C12orf54: variants seen among roughly 807,000 people sequenced by gnomAD.
C12orf54 encodes uncharacterized protein C12orf54.
Under a neutral mutation model 26.4 loss-of-function variants are expected in C12orf54, and 24 were observed. The ratio of observed to expected loss-of-function variants is 0.91; its 90% CI spans 0.66 to 1.28. The LOEUF (loss-of-function observed/expected upper bound fraction) is 1.28, where lower values mean the gene tolerates loss of function less well. C12orf54 is among the 50% of genes most tolerant of loss of function. The pLI, the probability that C12orf54 is intolerant of heterozygous loss-of-function variation, is 0.00. For synonymous variants in C12orf54, 54 were observed against 47.0 expected, an observed-to-expected ratio of 1.15 and a Z score of -0.61; for missense variants, 154 against 150.9, an observed-to-expected ratio of 1.02 and a Z score of -0.11.
the C12orf54 span, among the ~76,000 whole-genome samples, chr12:48,426,644 A>C: frequency 6.6e-6 from 1 of 152,172 alleles, no homozygotes; most frequent in Non-Finnish European, 1.5e-5. Context: ...TTTGATAAGA[A>C]TAGCATTGAA....
the C12orf54 span, among the ~76,000 whole-genome samples, chr12:48,465,557 T>G: frequency 6.6e-6 from 1 of 152,246 alleles, no homozygotes; most frequent in South Asian, 2.1e-4. Context: ...GCAATCTCAT[T>G]ACTGGGTATA....
chr12:48,477,169 G>T, the C12orf54 span, among the ~76,000 whole-genome samples: 2 of 152,140 alleles, frequency 1.3e-5, no homozygotes, highest in African/African-American at 4.8e-5. Flanking sequence ...TGAAATGAAG[G>T]CAGAAATAAA....
chr12:48,452,533 C>T, the C12orf54 span, among the ~76,000 whole-genome samples: 2 of 151,516 alleles, frequency 1.3e-5, no homozygotes, highest in Non-Finnish European at 3.0e-5. Context: ...AACACAACAA[C>T]GACAACAAAA....
upstream of C12orf54, among the ~76,000 whole-genome samples, chr12:48,479,403 C>T (rs1954175931): frequency 1.3e-5 from 2 of 151,956 alleles, no homozygotes; most frequent in South Asian, 4.2e-4. Flanking sequence ...AGGAGATATA[C>T]CTAATGCTAA....
chr12:48,424,785 C>T, the C12orf54 span, among the ~76,000 whole-genome samples: 1 of 152,088 alleles, frequency 6.6e-6, no homozygotes, highest in African/African-American at 2.4e-5. Flanking sequence ...ATAAATATAT[C>T]AACATCACTA....
At chr12:48,481,366 G>A (rs1378019331), upstream of C12orf54, among the ~76,000 whole-genome samples, 3 of 152,026 alleles carry the variant, frequency 2.0e-5, no homozygotes, top group Non-Finnish European at 1.5e-5. Flanking sequence ...GGAAACTGAG[G>A]TAAATAAAAA....
the C12orf54 span, among the ~76,000 whole-genome samples, chr12:48,422,308 C>T: frequency 6.6e-6 from 1 of 152,206 alleles, no homozygotes; most frequent in African/African-American, 2.4e-5. Context: ...GTAAAAACAC[C>T]TGCTGGATGG....
rs368212280 is a variant in C12orf54 at position 48,486,474 on chromosome 12, T to C, written c.97-214T>C. ...CAAATGAGTCTGTTTGTACCTGTCA[T>C]GCACCAGCTAGATCCAGAGCGAAGC... On this transcript the variant is annotated intron_variant, in intron 3 of 8. Coordinates refer to ENST00000548364, the MANE Select transcript of C12orf54 (RefSeq NM_152319.4). The C allele has an allele frequency of 9.5e-6, 6 of 631,290 alleles. No homozygotes were observed. In the African/African-American group the frequency reaches 1.1e-4, roughly 12 times the overall value. The allele number at this position is 631,290 out of a possible 1,614,324, so 39.1% of individuals were successfully genotyped here. A position where few individuals can be genotyped will look rare whatever the true frequency, so the allele number is the denominator to read the frequency against.
chr12:48,430,997 G>A, the C12orf54 span, among the ~76,000 whole-genome samples: 1 of 152,194 alleles, frequency 6.6e-6, no homozygotes, highest in African/African-American at 2.4e-5. Context: ...GGCATTCACA[G>A]CAACCTGGGT....
the C12orf54 span, among the ~76,000 whole-genome samples, chr12:48,441,303 C>T: frequency 6.6e-6 from 1 of 152,146 alleles, no homozygotes; most frequent in South Asian, 2.1e-4. Context: ...AAAGGCTGAC[C>T]TTTGACTCTC....
the C12orf54 span, among the ~76,000 whole-genome samples, chr12:48,474,937 G>A: frequency 6.6e-6 from 1 of 152,216 alleles, no homozygotes; most frequent in Non-Finnish European, 1.5e-5. Flanking sequence ...CTGAGAACAG[G>A]CAGACTGCCT....
chr12:48,443,154 TTCTC>T, the C12orf54 span, among the ~76,000 whole-genome samples: 10 of 152,080 alleles, frequency 6.6e-5, no homozygotes, highest in Admixed American at 6.6e-4. Context: ...CAACCTTAGA[TTCTC>T]TCTCTCTCTA....
the C12orf54 span, among the ~76,000 whole-genome samples, chr12:48,466,932 T>G: frequency 6.6e-6 from 1 of 152,086 alleles, no homozygotes; most frequent in Non-Finnish European, 1.5e-5. Context: ...ATAACCAAAA[T>G]GTCCATCAAC....
chr12:48,428,966 C>G, the C12orf54 span, among the ~76,000 whole-genome samples: 3 of 152,262 alleles, frequency 2.0e-5, no homozygotes, highest in East Asian at 5.8e-4. Flanking sequence ...AGATAATCCA[C>G]TATGATCAAG....
chr12:48,460,696 A>G, the C12orf54 span, among the ~76,000 whole-genome samples: 18 of 152,284 alleles, frequency 1.2e-4, no homozygotes, highest in East Asian at 3.5e-3. Flanking sequence ...TAATATTTTT[A>G]CATTATAAAT....
At chr12:48,484,087 T>A (rs7488548) in intron 2 of C12orf54, among the ~76,000 whole-genome samples, 2 of 152,062 alleles carry the variant, frequency 1.3e-5, no homozygotes, top group African/African-American at 4.8e-5. Flanking sequence ...CCCATCTATT[T>A]GGGAGGCTGA....
At chr12:48,478,837 A>T (rs1954170891), upstream of C12orf54, among the ~76,000 whole-genome samples, 1 of 152,214 alleles carries the variant, frequency 6.6e-6, no homozygotes, top group Non-Finnish European at 1.5e-5. Context: ...CACCAGTTAG[A>T]ATGGCAATCA....
the C12orf54 span, chr12:48,473,370 A>G: frequency 4.8e-6 from 5 of 1,049,716 alleles, no homozygotes; most frequent in Admixed American, 2.0e-5. Context: ...AAGGGGTCAG[A>G]AGCGAAAATA....
chr12:48,495,190 C>A (rs1937885916), intron 8 of C12orf54, among the ~76,000 whole-genome samples: 1 of 151,672 alleles, frequency 6.6e-6, no homozygotes, highest in African/African-American at 2.4e-5. Context: ...AGACAAAGGG[C>A]CAGAGTGCAT....
Sources: allele counts gnomAD v4.1 joint callset (sites outside exome capture counted in the v4.1 genomes callset), GRCh38; gene constraint gnomAD v4.1.1; transcripts MANE v1.5; gene names NCBI Gene and HGNC (gene_info 2026-07-23, HGNC 2026-07-21).